The following CHODL variants were observed in gnomAD, a reference collection of about 807,000 sequenced individuals.
CHODL encodes transmembrane protein MT75.
In CHODL, 29 loss-of-function variants were observed where a neutral mutation model predicts 34.5. The ratio of observed to expected loss-of-function variants is 0.84; its 90% CI spans 0.63 to 1.15. The LOEUF is 1.15. Ranked by LOEUF, CHODL falls within the 50% of genes most tolerant of loss-of-function variation. The pLI is 0.00. For missense variants in CHODL, 332 were observed against 332.5 expected, an observed-to-expected ratio of 1.00 and a Z score of 0.01; for synonymous variants, 125 against 116.1, an observed-to-expected ratio of 1.08 and a Z score of -0.49.
chr21:18,135,871 G>A (rs1326079352), intron 2 of CHODL, among the ~76,000 whole-genome samples: 1 of 151,926 alleles, frequency 6.6e-6, no homozygotes, highest in East Asian at 1.9e-4. Context: ...CACTTTGGGA[G>A]GCCAAGGCGG....
At chr21:18,016,082 A>C (rs1388812980) in intron 1 of CHODL, among the ~76,000 whole-genome samples, 1 of 152,246 alleles carries the variant, frequency 6.6e-6, no homozygotes, top group Non-Finnish European at 1.5e-5. Context: ...TTGCATAAGT[A>C]AAGAACAGCC....
intron 2 of CHODL, among the ~76,000 whole-genome samples, chr21:18,173,673 T>A (rs2073258400): frequency 6.6e-6 from 1 of 152,038 alleles, no homozygotes; most frequent in Non-Finnish European, 1.5e-5. Flanking sequence ...TAGTCAATAA[T>A]CAAAAGTCTA....
intron 2 of CHODL, among the ~76,000 whole-genome samples, chr21:18,153,885 G>A (rs1714293094): frequency 6.6e-6 from 1 of 152,146 alleles, no homozygotes; most frequent in Non-Finnish European, 1.5e-5. Flanking sequence ...GGGATTGCCA[G>A]TGGTGGGATG....
chr21:17,988,182 T>C (rs998880783), intron 1 of CHODL, among the ~76,000 whole-genome samples: 1 of 152,140 alleles, frequency 6.6e-6, no homozygotes, highest in Non-Finnish European at 1.5e-5. Context: ...TGTGAAGCCA[T>C]GAGAAAAATG....
intron 2 of CHODL, among the ~76,000 whole-genome samples, chr21:18,191,841 A>T (rs2073514380): frequency 6.6e-6 from 1 of 152,142 alleles, no homozygotes; most frequent in African/African-American, 2.4e-5. Flanking sequence ...AAAAGGTATG[A>T]AGTTTCATTT....
At chr21:18,049,406 G>C (rs28393013) in intron 2 of CHODL, among the ~76,000 whole-genome samples, 2,030 of 152,042 alleles carry the variant, frequency 0.013, 38 homozygotes, top group African/African-American at 0.045. Flanking sequence ...TCATAATTAT[G>C]AATTCAAGAT....
At chr21:18,176,750 G>C (rs1292459281) in intron 2 of CHODL, among the ~76,000 whole-genome samples, 1 of 152,056 alleles carries the variant, frequency 6.6e-6, no homozygotes, top group Non-Finnish European at 1.5e-5. Context: ...AACCAAAAAG[G>C]GTTTATTGAA....
At chr21:18,042,434 A>C (rs550648182) in intron 2 of CHODL, among the ~76,000 whole-genome samples, 29 of 151,970 alleles carry the variant, frequency 1.9e-4, no homozygotes, top group Non-Finnish European at 3.7e-4. Context: ...AGAATTATAG[A>C]ATTATAAATC....
intron 2 of CHODL, among the ~76,000 whole-genome samples, chr21:18,212,362 G>T (rs2073782989): frequency 6.6e-6 from 1 of 152,068 alleles, no homozygotes; most frequent in African/African-American, 2.4e-5. Context: ...ATCATAGTTT[G>T]AAAAGGTTAC....
chr21:18,193,628 A>G (rs1001592205), intron 2 of CHODL, among the ~76,000 whole-genome samples: 3 of 151,256 alleles, frequency 2.0e-5, no homozygotes, highest in African/African-American at 7.3e-5. Flanking sequence ...CCCAGGAGGC[A>G]GAGGTTGCAG....
intron 2 of CHODL, among the ~76,000 whole-genome samples, chr21:18,081,434 A>G (rs2064940425): frequency 6.6e-6 from 1 of 152,020 alleles, no homozygotes; most frequent in African/African-American, 2.4e-5. Context: ...TAATCCCAGC[A>G]ATTTGGGAGG....
chr21:18,181,296 T>G (rs2073378332), intron 2 of CHODL, among the ~76,000 whole-genome samples: 1 of 152,262 alleles, frequency 6.6e-6, no homozygotes, highest in Non-Finnish European at 1.5e-5. Flanking sequence ...GTATATAATT[T>G]AATGGTTTTT....
At chr21:18,254,984 C>T (rs1370597916) in intron 1 of CHODL, among the ~76,000 whole-genome samples, 1 of 151,586 alleles carries the variant, frequency 6.6e-6, no homozygotes, top group African/African-American at 2.4e-5. Flanking sequence ...TGATTCTGGC[C>T]AATATCTTGA....
intron 2 of CHODL, among the ~76,000 whole-genome samples, chr21:18,217,753 G>A (rs1337561761): frequency 2.6e-5 from 4 of 152,180 alleles, no homozygotes; most frequent in Middle Eastern, 3.4e-3. Context: ...TTTCACCTAT[G>A]AGCCTGCAAG....
At chr21:18,265,208 T>C (rs1001869213) in intron 5 of CHODL, among the ~76,000 whole-genome samples, 9 of 146,788 alleles carry the variant, frequency 6.1e-5, no homozygotes, top group Middle Eastern at 7.3e-3. Flanking sequence ...CACACACACA[T>C]ATATGTATGT....
At chr21:18,197,162 G>A (rs187871883) in intron 2 of CHODL, among the ~76,000 whole-genome samples, 17 of 152,166 alleles carry the variant, frequency 1.1e-4, no homozygotes, top group Admixed American at 7.2e-4. Context: ...AAATATAAAT[G>A]TGTGCTTTTA....
intron 1 of CHODL, 48 bp from the exon 2 acceptor site, chr21:18,256,461 A>G: frequency 1.3e-6 from 2 of 1,506,008 alleles, no homozygotes; most frequent in Non-Finnish European, 1.8e-6. Context: ...TGTTGTTACA[A>G]ATAGAGTTCC....
At chr21:18,082,149 TGAGTTCTCACAA>T (rs2064950234) in intron 2 of CHODL, among the ~76,000 whole-genome samples, 4 of 152,168 alleles carry the variant, frequency 2.6e-5, no homozygotes, top group Admixed American at 2.6e-4. Context: ...CTTGTATTAG[TGAGTTCTCACAA>T]GATCTGGTTG....
intron 2 of CHODL, among the ~76,000 whole-genome samples, chr21:18,063,677 A>C (rs899469023): frequency 6.6e-6 from 1 of 152,168 alleles, no homozygotes; most frequent in African/African-American, 2.4e-5. Flanking sequence ...TATTCAGGAG[A>C]TTTACAATTT....
Sources: allele counts gnomAD v4.1 joint callset (sites outside exome capture counted in the v4.1 genomes callset), GRCh38; gene constraint gnomAD v4.1.1; transcripts MANE v1.5; gene names NCBI Gene and HGNC (gene_info 2026-07-23, HGNC 2026-07-21).